FHIT: variants seen among roughly 807,000 people sequenced by gnomAD.
The protein encoded by FHIT is fragile histidine triad diadenosine triphosphatase, also known as bis(5'-adenosyl)-triphosphatase.
Under a neutral mutation model 17.9 loss-of-function variants are expected in FHIT, and 19 were observed. That is an observed-to-expected ratio of 1.06 (90% CI 0.74 to 1.56). The LOEUF (loss-of-function observed/expected upper bound fraction) is 1.56. Among genes scored for constraint, FHIT ranks in the 40% most tolerant of loss-of-function variants. The pLI is 0.00. For synonymous variants in FHIT, 81 were observed against 69.7 expected, an observed-to-expected ratio of 1.16 and a Z score of -0.81; for missense variants, 248 against 189.2, an observed-to-expected ratio of 1.31 and a Z score of -1.82.
At chr3:60,403,730 C>A (rs1297775198) in intron 5 of FHIT, among the ~76,000 whole-genome samples, 1 of 152,114 alleles carries the variant, frequency 6.6e-6, no homozygotes, top group African/African-American at 2.4e-5. Context: ...AGGATTAGAT[C>A]ACATTTTTTG....
intron 5 of FHIT, among the ~76,000 whole-genome samples, chr3:60,023,762 G>T (rs906931056): frequency 1.3e-5 from 2 of 152,184 alleles, no homozygotes; most frequent in African/African-American, 4.8e-5. Context: ...GCTCAACTAG[G>T]ATTCCTGGTG....
At chr3:60,442,427 T>C (rs1433996775) in intron 5 of FHIT, among the ~76,000 whole-genome samples, 1 of 152,172 alleles carries the variant, frequency 6.6e-6, no homozygotes, top group African/African-American at 2.4e-5. Flanking sequence ...AAGTCTTTAA[T>C]CCATCTTGAA....
intron 4 of FHIT, among the ~76,000 whole-genome samples, chr3:60,672,733 T>C (rs2040534753): frequency 6.6e-6 from 1 of 152,208 alleles, no homozygotes. Context: ...AATTCAGTTT[T>C]AAGTCTACCA....
At chr3:60,543,919 T>TTTTTTTG in intron 4 of FHIT, among the ~76,000 whole-genome samples, 1 of 134,794 alleles carries the variant, frequency 7.4e-6, no homozygotes, top group Non-Finnish European at 1.6e-5. Context: ...TTTTTTTTTT[T>TTTTTTTG]TTTTTTTTTT....
chr3:60,826,164 AG>A (rs1702108664), intron 3 of FHIT, among the ~76,000 whole-genome samples: 10 of 22,846 alleles, frequency 4.4e-4, no homozygotes, highest in African/African-American at 8.9e-4. Flanking sequence ...GAAGGAAGGA[AG>A]GAAGGAAGGA....
At chr3:61,079,366 T>A (rs1292383038) in intron 2 of FHIT, among the ~76,000 whole-genome samples, 1 of 152,138 alleles carries the variant, frequency 6.6e-6, no homozygotes, top group Non-Finnish European at 1.5e-5. Context: ...GTTTCTGGCT[T>A]TTTGCAAGCA....
intron 4 of FHIT, among the ~76,000 whole-genome samples, chr3:60,770,142 C>T (rs1699991734): frequency 6.6e-6 from 1 of 152,134 alleles, no homozygotes; most frequent in African/African-American, 2.4e-5. Flanking sequence ...GGGTTAGACT[C>T]CAGCAACCCC....
intron 8 of FHIT, among the ~76,000 whole-genome samples, chr3:59,906,415 G>A (rs1282415989): frequency 6.6e-6 from 1 of 152,176 alleles, no homozygotes; most frequent in African/African-American, 2.4e-5. Flanking sequence ...TTAGGAAGTT[G>A]CCAGTTTATG....
chr3:60,041,013 G>A (rs1701416097), intron 5 of FHIT, among the ~76,000 whole-genome samples: 2 of 152,130 alleles, frequency 1.3e-5, no homozygotes, highest in Admixed American at 1.3e-4. Flanking sequence ...ATAAACCACA[G>A]GTGTCAGATA....
intron 5 of FHIT, among the ~76,000 whole-genome samples, chr3:60,106,542 G>A (rs1485845121): frequency 1.3e-5 from 2 of 152,112 alleles, no homozygotes; most frequent in African/African-American, 4.8e-5. Context: ...AATTAGGTTC[G>A]GTACCATCTG....
intron 5 of FHIT, among the ~76,000 whole-genome samples, chr3:60,389,065 T>C (rs992129396): frequency 7.2e-5 from 11 of 152,220 alleles, no homozygotes; most frequent in African/African-American, 2.7e-4. Flanking sequence ...TGGAATGGCA[T>C]CTTCCTTATT....
intron 5 of FHIT, among the ~76,000 whole-genome samples, chr3:60,161,233 G>A (rs57793339): frequency 0.035 from 5,314 of 152,276 alleles, 311 homozygotes; most frequent in African/African-American, 0.12. Flanking sequence ...CAACTGCGTT[G>A]TCCCTATGGC....
chr3:61,097,240 T>C (rs2035671763), intron 2 of FHIT, among the ~76,000 whole-genome samples: 1 of 151,996 alleles, frequency 6.6e-6, no homozygotes, highest in South Asian at 2.1e-4. Context: ...AGACAGTGGG[T>C]GCAGGACAGT....
chr3:61,230,252 G>A (rs2040066094), intron 1 of FHIT, among the ~76,000 whole-genome samples: 1 of 152,074 alleles, frequency 6.6e-6, no homozygotes, highest in African/African-American at 2.4e-5. Flanking sequence ...TGATGGGGGT[G>A]GATTTTTCAT....
chr3:60,571,638 G>A (rs1051963203), intron 4 of FHIT, among the ~76,000 whole-genome samples: 1 of 152,086 alleles, frequency 6.6e-6, no homozygotes, highest in Non-Finnish European at 1.5e-5. Flanking sequence ...TCAGGAGGGT[G>A]CAAATAAAGG....
chr3:60,321,408 C>T (rs1004955975), intron 5 of FHIT, among the ~76,000 whole-genome samples: 1 of 152,082 alleles, frequency 6.6e-6, no homozygotes, highest in Non-Finnish European at 1.5e-5. Context: ...CTCCGGAGGT[C>T]AAGTCTGCAG....
At chr3:60,469,398 G>C (rs1032077899) in intron 5 of FHIT, among the ~76,000 whole-genome samples, 1 of 152,034 alleles carries the variant, frequency 6.6e-6, no homozygotes, top group Admixed American at 6.6e-5. Context: ...TTGTCTTCAA[G>C]CTCACTAATT....
chr3:59,868,337 G>GA (rs11307941), intron 8 of FHIT, among the ~76,000 whole-genome samples: 3 of 150,750 alleles, frequency 2.0e-5, no homozygotes, highest in Admixed American at 1.3e-4. Context: ...TTTCCACGCG[G>GA]AAAAAAAAAA....
chr3:60,637,054 T>G (rs1232271172), intron 4 of FHIT, among the ~76,000 whole-genome samples: 3 of 151,960 alleles, frequency 2.0e-5, no homozygotes, highest in African/African-American at 4.8e-5. Context: ...GCACCAGGGA[T>G]AGAGAGAGAA....
Sources: gnomAD v4.1 joint callset for allele counts (sites outside exome capture counted in the v4.1 genomes callset) on GRCh38, gnomAD v4.1.1 for gene constraint, MANE v1.5 for transcripts, NCBI Gene and HGNC (gene_info 2026-07-23, HGNC 2026-07-21) for gene names.